Variants in IPCEF1 observed in about 807,000 individuals in gnomAD.
The protein encoded by IPCEF1 is interactor protein for cytohesin exchange factors 1.
In IPCEF1, 31 loss-of-function variants were observed where a neutral mutation model predicts 50.9. The observed-to-expected ratio is 0.61, with a 90% CI of 0.46 to 0.82. The LOEUF (loss-of-function observed/expected upper bound fraction) is 0.82. Among genes scored for constraint, IPCEF1 ranks in the 40% least tolerant of loss-of-function variants. IPCEF1 has a pLI of 0.00. For synonymous variants in IPCEF1, 181 were observed against 192.0 expected (o/e 0.94, Z 0.47); for missense variants, 458 against 514.0 (o/e 0.89, Z 1.05).
intron 5 of IPCEF1, among the ~76,000 whole-genome samples, chr6:154,238,704 T>G (rs1780339106): frequency 6.6e-6 from 1 of 152,116 alleles, no homozygotes; most frequent in African/African-American, 2.4e-5. Flanking sequence ...TTATAATTTT[T>G]ATTTTTATTT....
chr6:154,243,190 G>T (rs879307640), intron 5 of IPCEF1, among the ~76,000 whole-genome samples: 3 of 152,176 alleles, frequency 2.0e-5, no homozygotes, highest in Non-Finnish European at 4.4e-5. Flanking sequence ...AATAAGAAAG[G>T]TTACCAGTTA....
intron 2 of IPCEF1, among the ~76,000 whole-genome samples, chr6:154,276,288 AAAAAGAAAAG>A (rs1230730294): frequency 8.5e-6 from 1 of 118,178 alleles, no homozygotes; most frequent in Non-Finnish European, 2.0e-5. Context: ...GAAAAGAAAA[AAAAAGAAAAG>A]AAAAGAGGAA....
chr6:154,282,523 A>G (rs963312334), intron 2 of IPCEF1, among the ~76,000 whole-genome samples: 1 of 151,998 alleles, frequency 6.6e-6, no homozygotes, highest in East Asian at 1.9e-4. Context: ...TCTACTAAAA[A>G]CACACACAAA....
intron 2 of IPCEF1, among the ~76,000 whole-genome samples, chr6:154,278,722 A>AATAT (rs145576400): frequency 6.6e-6 from 1 of 151,224 alleles, no homozygotes; most frequent in African/African-American, 2.4e-5. Context: ...CAATGGTAAA[A>AATAT]ATATATATAT....
At chr6:154,172,841 G>A (rs150013387) in intron 10 of IPCEF1, among the ~76,000 whole-genome samples, 128 of 152,340 alleles carry the variant, frequency 8.4e-4, no homozygotes, top group Admixed American at 1.5e-3. Flanking sequence ...CTCTGATAAC[G>A]GACAGACCAC....
chr6:154,198,700 G>A (rs1776830398), intron 10 of IPCEF1, among the ~76,000 whole-genome samples: 1 of 150,516 alleles, frequency 6.6e-6, no homozygotes, highest in Non-Finnish European at 1.5e-5. Flanking sequence ...GGCAAATTAC[G>A]CTGATACCAA....
chr6:154,264,833 C>A (rs1026239675), intron 3 of IPCEF1, among the ~76,000 whole-genome samples: 2 of 152,170 alleles, frequency 1.3e-5, no homozygotes, highest in Non-Finnish European at 2.9e-5. Context: ...AGCCGCCCTG[C>A]ATGTTACTAA....
At chr6:154,206,188 A>C (rs1164991362) in intron 9 of IPCEF1, among the ~76,000 whole-genome samples, 2 of 152,230 alleles carry the variant, frequency 1.3e-5, no homozygotes, top group Non-Finnish European at 2.9e-5. Context: ...ATTCTTCATG[A>C]AACATAAGCA....
At chr6:154,306,162 C>T (rs958150736) in intron 1 of IPCEF1, among the ~76,000 whole-genome samples, 1 of 152,092 alleles carries the variant, frequency 6.6e-6, no homozygotes, top group African/African-American at 2.4e-5. Flanking sequence ...TGGAAGTCGC[C>T]CCACGTCACT....
intron 3 of IPCEF1, among the ~76,000 whole-genome samples, chr6:154,258,368 C>G (rs1583914126): frequency 6.6e-6 from 1 of 152,164 alleles, no homozygotes; most frequent in Non-Finnish European, 1.5e-5. Flanking sequence ...AGAATGGGAC[C>G]CAGCCAGTCA....
At chr6:154,190,744 C>T (rs886967302) in intron 10 of IPCEF1, among the ~76,000 whole-genome samples, 17 of 152,192 alleles carry the variant, frequency 1.1e-4, no homozygotes, top group African/African-American at 2.4e-5. Flanking sequence ...ATTTTAAAAA[C>T]TTGGAAGCTA....
At chr6:154,326,535 C>T (rs1296736872) in intron 1 of IPCEF1, among the ~76,000 whole-genome samples, 2 of 152,008 alleles carry the variant, frequency 1.3e-5, no homozygotes, top group African/African-American at 2.4e-5. Flanking sequence ...TTCAAGGAGG[C>T]CTAAAACCAC....
At chr6:154,190,237 TAC>T (rs1801751690) in intron 10 of IPCEF1, among the ~76,000 whole-genome samples, 1 of 152,018 alleles carries the variant, frequency 6.6e-6, no homozygotes, top group Non-Finnish European at 1.5e-5. Flanking sequence ...ATTATTCATA[TAC>T]ACACACATAC....
At chr6:154,282,511 T>C (rs1411847309) in intron 2 of IPCEF1, among the ~76,000 whole-genome samples, 1 of 151,886 alleles carries the variant, frequency 6.6e-6, no homozygotes, top group Non-Finnish European at 1.5e-5. Context: ...TGAAACCCTA[T>C]CTCTACTAAA....
chr6:154,288,611 C>T (rs1032380984), intron 2 of IPCEF1, among the ~76,000 whole-genome samples: 3 of 143,178 alleles, frequency 2.1e-5, no homozygotes, highest in Non-Finnish European at 4.5e-5. Context: ...TGCAGTGAGC[C>T]GAGATCGTGC....
intron 9 of IPCEF1, among the ~76,000 whole-genome samples, chr6:154,200,511 G>A (rs1415433600): frequency 6.6e-6 from 1 of 152,022 alleles, no homozygotes; most frequent in African/African-American, 2.4e-5. Flanking sequence ...ACCTGAGGCC[G>A]GGAGTTTGAG....
intron 5 of IPCEF1, among the ~76,000 whole-genome samples, chr6:154,231,640 T>A (rs1779729654): frequency 6.6e-6 from 1 of 152,114 alleles, no homozygotes; most frequent in South Asian, 2.1e-4. Context: ...TAATTTTGTG[T>A]AAGAAAGGAG....
chr6:154,283,871 T>C (rs973828993), intron 2 of IPCEF1, among the ~76,000 whole-genome samples: 2 of 152,194 alleles, frequency 1.3e-5, no homozygotes, highest in Non-Finnish European at 2.9e-5. Flanking sequence ...GACATGTTTG[T>C]TTATTCCTTA....
At chr6:154,265,707 T>G (rs1285149675) in intron 3 of IPCEF1, among the ~76,000 whole-genome samples, 1 of 152,188 alleles carries the variant, frequency 6.6e-6, no homozygotes, top group Non-Finnish European at 1.5e-5. Flanking sequence ...GTATGCAGCT[T>G]AAACTTTAAA....
Sources: allele counts gnomAD v4.1 joint callset (sites outside exome capture counted in the v4.1 genomes callset), GRCh38; gene constraint gnomAD v4.1.1; transcripts MANE v1.5; gene names NCBI Gene and HGNC (gene_info 2026-07-23, HGNC 2026-07-21).